CHIC1: variants seen among roughly 807,000 people sequenced by gnomAD.
CHIC1 encodes the protein cysteine-rich hydrophobic domain-containing protein 1.
A neutral mutation model predicts 18.5 loss-of-function variants in CHIC1; 7 were observed. The observed-to-expected ratio is 0.38, with a 90% CI of 0.22 to 0.71. CHIC1 has a LOEUF of 0.71. Ranked by LOEUF, CHIC1 falls within the 30% of genes least tolerant of loss-of-function variation. The probability of loss-of-function intolerance (pLI) is 0.49; values close to 1 mark genes in which losing one functional copy is unlikely to be tolerated. For synonymous variants in CHIC1, 77 were observed against 73.5 expected (o/e 1.05, Z -0.25); for missense variants, 159 against 176.9 (o/e 0.90, Z 0.57).
chrX:73,663,671 T>C (rs1323808550), intron 3 of CHIC1, among the ~76,000 whole-genome samples: 1 of 110,989 alleles, frequency 9.0e-6, no homozygotes, highest in African/African-American at 3.3e-5. Flanking sequence ...GAAAAATTTT[T>C]ATTTCCAAGT....
chrX:73,591,998 A>G (rs1251457610), intron 3 of CHIC1, among the ~76,000 whole-genome samples: 2 of 111,294 alleles, frequency 1.8e-5, no homozygotes, highest in Non-Finnish European at 3.8e-5. Flanking sequence ...ACTTTTCCAT[A>G]TAAACTTTAG....
chrX:73,580,315 A>T (rs1278638817), intron 2 of CHIC1, among the ~76,000 whole-genome samples: 1 of 110,869 alleles, frequency 9.0e-6, no homozygotes, highest in East Asian at 2.8e-4. Flanking sequence ...ATTCTTTTCA[A>T]GTGATTGTTT....
At chrX:73,601,100 C>A (rs1219508416) in intron 3 of CHIC1, among the ~76,000 whole-genome samples, 2 of 106,556 alleles carry the variant, frequency 1.9e-5, no homozygotes, top group Non-Finnish European at 3.8e-5. Flanking sequence ...GACTCCCACA[C>A]ATTAATAATG....
intron 3 of CHIC1, among the ~76,000 whole-genome samples, chrX:73,674,115 G>C (rs1475861745): frequency 1.8e-5 from 2 of 111,904 alleles, no homozygotes; most frequent in Non-Finnish European, 3.8e-5. Context: ...GATCATGGTG[G>C]ATAAGCTTTT....
chrX:73,649,257 A>G (rs986879498), intron 3 of CHIC1, among the ~76,000 whole-genome samples: 14 of 112,155 alleles, frequency 1.2e-4, no homozygotes, highest in African/African-American at 4.5e-4. Context: ...ACCAAAATGT[A>G]AAGACCAATG....
intron 3 of CHIC1, among the ~76,000 whole-genome samples, chrX:73,668,781 T>C (rs1032747078): frequency 2.7e-5 from 3 of 111,777 alleles, no homozygotes; most frequent in Admixed American, 9.5e-5. Context: ...CTGTAGGAGG[T>C]GACTGGAGAC....
chrX:73,593,573 C>T (rs2057592180), intron 3 of CHIC1, among the ~76,000 whole-genome samples: 1 of 111,881 alleles, frequency 8.9e-6, no homozygotes, highest in Non-Finnish European at 1.9e-5. Flanking sequence ...GGTCTATCTA[C>T]ATAATTCCCT....
At position 73,680,803 on chromosome X, in the gene CHIC1, T is replaced by G. The variant is rs1398841749; in HGVS notation, c.625-152T>G. ...TAATAACAACTTGTGGTTTAAGTTC[T>G]TTACATATTTTTTTCATGTATTTCA... On this transcript the variant is annotated intron_variant, in intron 5 of 5. Coordinates refer to ENST00000373502, the MANE Select transcript of CHIC1 (RefSeq NM_001039840.4). 3.6e-5 allele frequency among the ~76,000 whole-genome samples: 4 copies of G among 111,728 alleles called. No individual in the cohort carries two copies. The East Asian group carries it at 1.1e-3, about 31-fold the overall frequency.
chrX:73,585,097 G>A (rs902005480), intron 3 of CHIC1, among the ~76,000 whole-genome samples: 2 of 111,264 alleles, frequency 1.8e-5, no homozygotes, highest in East Asian at 5.6e-4. Flanking sequence ...TTTTCCTCTG[G>A]TGGGAAGATG....
At chrX:73,680,595 A>G (rs1262903175) in intron 5 of CHIC1, among the ~76,000 whole-genome samples, 4 of 111,263 alleles carry the variant, frequency 3.6e-5, no homozygotes, top group South Asian at 3.7e-4. Flanking sequence ...TTTAATCTGT[A>G]TAGCATTTTT....
Position 73,563,290 on chromosome X carries a change from C to A in CHIC1, c.6C>A (p.Ser2Arg). Residue 2 changes from serine to arginine, a missense_variant, in exon 1 of 6, where the codon AGC (serine) becomes AGA (arginine). Ser to Arg is a moderately radical substitution (Grantham distance 110). Transcript: ENST00000373502. ...GGCGATCGCGAGGTCACGTGATGAGCATCCTGCTGCCCAACATGGCGGAGT... is the reference window on the plus strand; with the variant it reads ...GGCGATCGCGAGGTCACGTGATGAGAATCCTGCTGCCCAACATGGCGGAGT... Reference protein sequence around the residue: MSILLPNMAEFD... With the variant: MRILLPNMAEFD... 1 of 1,118,559 alleles carries A rather than the reference C, an allele frequency of 8.9e-7. No individual in the cohort carries two copies. The allele number at this position is 1,118,559 out of a possible 1,213,427, so 92.2% of individuals were successfully genotyped here.
At chrX:73,659,240 A>G (rs113545421) in intron 3 of CHIC1, among the ~76,000 whole-genome samples, 1 of 111,566 alleles carries the variant, frequency 9.0e-6, no homozygotes, top group Non-Finnish European at 1.9e-5. Context: ...GGCTCTGGAT[A>G]AGAGAATTTG....
At chrX:73,658,012 G>A (rs1420239490) in intron 3 of CHIC1, among the ~76,000 whole-genome samples, 1 of 111,183 alleles carries the variant, frequency 9.0e-6, no homozygotes, top group Non-Finnish European at 1.9e-5. Flanking sequence ...GCTGGATTTG[G>A]ATTGCCAGTA....
At chrX:73,631,163 T>C (rs1326653176) in intron 3 of CHIC1, among the ~76,000 whole-genome samples, 2 of 111,620 alleles carry the variant, frequency 1.8e-5, no homozygotes, top group Non-Finnish European at 3.8e-5. Context: ...TAGCAAAAGG[T>C]TTGTCAATTT....
chrX:73,612,854 T>A (rs907632138), intron 3 of CHIC1, among the ~76,000 whole-genome samples: 1 of 112,101 alleles, frequency 8.9e-6, no homozygotes. Context: ...AAGTATTATG[T>A]TTCTTTGTTA....
intron 3 of CHIC1, among the ~76,000 whole-genome samples, chrX:73,662,760 A>G (rs1484574880): frequency 1.8e-5 from 2 of 110,694 alleles, no homozygotes; most frequent in Middle Eastern, 4.6e-3. Context: ...GTAGTTTTTC[A>G]GGTGCTATGA....
At chrX:73,632,530 G>C (rs1418033382) in intron 3 of CHIC1, among the ~76,000 whole-genome samples, 7 of 110,206 alleles carry the variant, frequency 6.4e-5, no homozygotes, top group Non-Finnish European at 9.5e-5. Flanking sequence ...CTCTTTTGCT[G>C]TCCTCCTTTT....
chrX:73,656,080 A>T (rs1195796805), intron 3 of CHIC1, among the ~76,000 whole-genome samples: 1 of 110,477 alleles, frequency 9.1e-6, no homozygotes, highest in East Asian at 2.9e-4. Flanking sequence ...AGCATTTTTT[A>T]TGTTTGTTAG....
intron 3 of CHIC1, among the ~76,000 whole-genome samples, chrX:73,631,145 G>C (rs2147592631): frequency 9.1e-6 from 1 of 110,247 alleles, no homozygotes; most frequent in South Asian, 3.8e-4. Flanking sequence ...CTTTTTTCTT[G>C]GTTAAGCTAG....
Sources: allele counts gnomAD v4.1 joint callset (sites outside exome capture counted in the v4.1 genomes callset), GRCh38; gene constraint gnomAD v4.1.1; transcripts MANE v1.5; gene names NCBI Gene and HGNC (gene_info 2026-07-23, HGNC 2026-07-21).